Variants in ADAMTS9 observed in about 807,000 individuals in gnomAD.
ADAMTS9 encodes ADAM metallopeptidase with thrombospondin type 1 motif 9, also known as A disintegrin and metalloproteinase with thrombospondin motifs 9.
Under a neutral mutation model 257.1 loss-of-function variants are expected in ADAMTS9, and 107 were observed. The ratio of observed to expected loss-of-function variants is 0.42; its 90% CI spans 0.36 to 0.49. The LOEUF (loss-of-function observed/expected upper bound fraction) is 0.49, where lower values mean the gene tolerates loss of function less well. ADAMTS9 is among the 20% of genes least tolerant of loss of function. The pLI is 0.03. For synonymous variants in ADAMTS9, 982 were observed against 880.9 expected (o/e 1.11, Z -2.03); for missense variants, 2,353 against 2,469.1 (o/e 0.95, Z 1.00).
chr3:64,622,474 A>G lies in ADAMTS9; in HGVS notation c.2502T>C (p.Thr834=). Residue 834 remains threonine (T), a synonymous_variant, in exon 17 of 40, where the codon ACT becomes ACC. Coordinates refer to ENST00000498707, the MANE Select transcript of ADAMTS9 (RefSeq NM_182920.2). The part of the protein sequence containing the change: ...NAVVEYSGSE[T]AVERINSTDR... ...CTGTTGAGTTAATTCTTTCTACGGC[A>G]GTCTCGGACCCACTGTACTCTACCA... is the stretch of plus-strand genomic sequence containing the variant. 2 of 1,614,094 alleles carry G rather than the reference A, an allele frequency of 1.2e-6. No homozygotes were observed. The highest frequency in any genetic ancestry group is 1.7e-6 in the Non-Finnish European group (2 of 1,179,980).
At chr3:64,658,926 A>G in intron 3 of ADAMTS9, 135 bp from the exon 4 acceptor site, 1 of 875,730 alleles carries the variant, frequency 1.1e-6, no homozygotes, top group Non-Finnish European at 1.7e-6. Context: ...TGGACTCTAC[A>G]GATGCACCTC....
chr3:64,595,500 C>T (rs897590087), intron 27 of ADAMTS9, among the ~76,000 whole-genome samples: 9 of 152,186 alleles, frequency 5.9e-5, no homozygotes, highest in East Asian at 3.9e-4. Flanking sequence ...CCAGCAAGTT[C>T]GTGTACTCTC....
rs1260790347 is a variant in ADAMTS9 at position 64,687,407 on chromosome 3, G to A, written c.115+136C>T. On this transcript the variant is annotated intron_variant, in intron 1 of 39. Coordinates refer to ENST00000498707, the MANE Select transcript of ADAMTS9 (RefSeq NM_182920.2). This position sits in a 1 kb window ranked among gnomAD's most constrained non-coding sequence, Gnocchi z 4.4. ...TTGGTTGGGGATGACCCAAAGAAGG[G>A]AGAGGCTGCAAAGCGGGAGATAATT... The A allele has an allele frequency of 5.2e-6, 4 of 769,476 alleles. No individual in the cohort carries two copies. The African/African-American group carries it at 7.4e-5, about 14-fold the overall frequency. 47.7% of individuals were successfully genotyped at this position (769,476 alleles called of 1,614,324 possible). A position where few individuals can be genotyped will look rare whatever the true frequency, so the allele number is the denominator to read the frequency against.
At chr3:64,661,916 C>G (rs190659207) in intron 3 of ADAMTS9, among the ~76,000 whole-genome samples, 152 of 152,030 alleles carry the variant, frequency 1.0e-3, no homozygotes, top group Admixed American at 2.9e-3. Context: ...TTCTATTTCT[C>G]ATTTGTTGAT....
intron 2 of ADAMTS9, among the ~76,000 whole-genome samples, chr3:64,684,033 G>A (rs1481662578): frequency 1.3e-5 from 2 of 152,116 alleles, no homozygotes; most frequent in African/African-American, 4.8e-5. Flanking sequence ...TGAGTGAGAA[G>A]ACCAAGTAAA....
intron 30 of ADAMTS9, among the ~76,000 whole-genome samples, chr3:64,554,016 A>G (rs1026522843): frequency 6.6e-6 from 1 of 152,226 alleles, no homozygotes; most frequent in Admixed American, 6.5e-5. Context: ...CACCCATAGA[A>G]AAAGTAATTC....
rs772776358 is a variant in ADAMTS9, at chr3:64,621,256, A to C, written c.2687-16T>G. 1 of 1,591,864 alleles carries C rather than the reference A, an allele frequency of 6.3e-7. No homozygotes were observed. Among genetic ancestry groups the C allele is most frequent in the Non-Finnish European group, 8.5e-7 (1 of 1,176,078 alleles). On this transcript the variant is annotated splice_polypyrimidine_tract_variant and intron_variant, in intron 18 of 39. Coordinates refer to ENST00000498707, the MANE Select transcript of ADAMTS9 (RefSeq NM_182920.2). ...TTCCGTTCCCCTAAGCAGAAAGGGA[A>C]AAAAAATTATTCAGGGAAAATAATC...
At chr3:64,578,592 C>T (rs1037267370) in intron 28 of ADAMTS9, among the ~76,000 whole-genome samples, 1 of 152,172 alleles carries the variant, frequency 6.6e-6, no homozygotes, top group East Asian at 1.9e-4. Context: ...CCACTGCAAA[C>T]ATCTATATTC....
At position 64,633,723 on chromosome 3, in the gene ADAMTS9, C is replaced by A. The variant is rs751306988; in HGVS notation, c.2013G>T (p.Val671=). Residue 671 remains valine (V), a synonymous_variant, in exon 13 of 40, where the codon GTG becomes GTT. Transcript: ENST00000498707. The part of the protein sequence containing the change: ...HFNINGLLPN[V]RWVPKYSGIL... Reference sequence around the variant, plus strand: ...TTCCACTGTATTTAGGGACCCAGCGCACATTGGGAAGCAGACCGTTGATGT... The same window carrying A: ...TTCCACTGTATTTAGGGACCCAGCGAACATTGGGAAGCAGACCGTTGATGT... 1.7e-5 allele frequency: 28 copies of A among 1,613,584 alleles called. No homozygotes were observed. The highest frequency in any genetic ancestry group is 2.4e-5 in the Non-Finnish European group (28 of 1,179,966).
At position 64,687,071 on chromosome 3, in the gene ADAMTS9, A is replaced by C. The variant is rs1188251643; in HGVS notation, c.116-103T>G. ...TTGTTCTGACCTTATTTTCCAGCCCATTCGAGTCAATCCCTTCACCCTTAA... is the reference window on the plus strand; with the variant it reads ...TTGTTCTGACCTTATTTTCCAGCCCCTTCGAGTCAATCCCTTCACCCTTAA... On this transcript the variant is annotated intron_variant, in intron 1 of 39. Transcript: ENST00000498707. This position sits in a 1 kb window ranked among gnomAD's most constrained non-coding sequence, Gnocchi z 4.4. 5.2e-6 allele frequency: 7 copies of C among 1,355,058 alleles called. No individual in the cohort carries two copies. Among genetic ancestry groups the C allele is most frequent in the South Asian group, 1.4e-5 (1 of 69,418 alleles). 83.9% of individuals were successfully genotyped at this position (1,355,058 alleles called of 1,614,324 possible).
intron 4 of ADAMTS9, among the ~76,000 whole-genome samples, chr3:64,657,630 A>T (rs181807590): frequency 6.6e-6 from 1 of 152,184 alleles, no homozygotes; most frequent in Admixed American, 6.5e-5. Flanking sequence ...GAGTGACTGC[A>T]CTTGGCCATT....
In ADAMTS9 at chr3:64,621,085, A is replaced by G. The variant is rs1036643100; in HGVS notation, c.2813+29T>C. ...CCTGCAAGACTCTCACAATTCAGTA[A>G]TAAAGGCCTTGAGAAAACAGTGGCC... On this transcript the variant is annotated intron_variant, in intron 19 of 39. Coordinates refer to ENST00000498707, the MANE Select transcript of ADAMTS9 (RefSeq NM_182920.2). The G allele has an allele frequency of 2.5e-6, 4 of 1,590,734 alleles. No homozygotes were observed. In the African/African-American group the frequency reaches 4.1e-5, roughly 16 times the overall value.
intron 14 of ADAMTS9, among the ~76,000 whole-genome samples, chr3:64,632,130 G>A (rs1257208910): frequency 6.6e-6 from 1 of 152,190 alleles, no homozygotes; most frequent in Non-Finnish European, 1.5e-5. Flanking sequence ...CACCTTTGAT[G>A]TGGTCAGGAA....
chr3:64,638,670 C>T (rs926362878), intron 12 of ADAMTS9, among the ~76,000 whole-genome samples: 1 of 152,058 alleles, frequency 6.6e-6, no homozygotes, highest in African/African-American at 2.4e-5. Flanking sequence ...CCAGTTGAGA[C>T]CAAAATATCT....
intron 19 of ADAMTS9, among the ~76,000 whole-genome samples, chr3:64,619,132 C>T (rs958229738): frequency 3.9e-5 from 6 of 152,132 alleles, no homozygotes; most frequent in Non-Finnish European, 7.3e-5. Context: ...ATTCGCAATG[C>T]TATGTATAAA....
intron 27 of ADAMTS9, 69 bp from the exon 28 acceptor site, chr3:64,594,503 T>A: frequency 6.4e-7 from 1 of 1,566,410 alleles, no homozygotes; most frequent in African/African-American, 1.4e-5. Flanking sequence ...CCTTTCTCCC[T>A]AATTTCTTAG....
chr3:64,672,174 T>C (rs988814904), intron 3 of ADAMTS9, among the ~76,000 whole-genome samples: 1 of 152,238 alleles, frequency 6.6e-6, no homozygotes, highest in Non-Finnish European at 1.5e-5. Flanking sequence ...ATGTGCGTCT[T>C]AGCCAGTTTC....
At chr3:64,681,663 C>G (rs1210017495) in intron 2 of ADAMTS9, among the ~76,000 whole-genome samples, 3 of 152,208 alleles carry the variant, frequency 2.0e-5, no homozygotes, top group African/African-American at 7.2e-5. Flanking sequence ...CCCACCTCAG[C>G]CTCCTGAGTA....
intron 19 of ADAMTS9, among the ~76,000 whole-genome samples, chr3:64,620,078 A>G (rs1199849122): frequency 6.6e-6 from 1 of 152,048 alleles, no homozygotes; most frequent in Non-Finnish European, 1.5e-5. Context: ...CACTAGGGCA[A>G]TGAGCTAGAA....
Sources: allele counts gnomAD v4.1 joint callset (sites outside exome capture counted in the v4.1 genomes callset), GRCh38; gene constraint gnomAD v4.1.1; non-coding constraint Gnocchi (gnomAD v3.1); transcripts MANE v1.5; gene names NCBI Gene and HGNC (gene_info 2026-07-23, HGNC 2026-07-21).